The following ELMO1 variants were observed in gnomAD, a reference collection of about 807,000 sequenced individuals.
ELMO1 encodes the protein engulfment and cell motility 1.
ELMO1 carries 26 observed loss-of-function variants against 98.9 expected under a neutral mutation model. The ratio of observed to expected loss-of-function variants is 0.26; its 90% CI spans 0.19 to 0.36. The LOEUF is 0.36. Ranked by LOEUF, ELMO1 falls within the 10% of genes least tolerant of loss-of-function variation. ELMO1 has a pLI of 1.00. For missense variants in ELMO1, 627 were observed against 935.2 expected (o/e 0.67, Z 4.30); for synonymous variants, 346 against 346.0 (o/e 1.00, Z 0.00).
At chr7:37,032,081 C>T (rs546549458) in intron 15 of ELMO1, among the ~76,000 whole-genome samples, 2 of 152,214 alleles carry the variant, frequency 1.3e-5, no homozygotes, top group Middle Eastern at 3.4e-3. Context: ...TCCAGGCCTG[C>T]GTGAGTCATT....
At chr7:37,145,724 G>T (rs2129313507) in intron 13 of ELMO1, among the ~76,000 whole-genome samples, 1 of 152,326 alleles carries the variant, frequency 6.6e-6, no homozygotes, top group Non-Finnish European at 1.5e-5. Flanking sequence ...AGCCTTTGAG[G>T]ATTCAGGAGT....
intron 1 of ELMO1, among the ~76,000 whole-genome samples, chr7:37,438,586 T>A (rs1295908814): frequency 2.6e-5 from 3 of 117,420 alleles, no homozygotes; most frequent in African/African-American, 1.1e-4. Context: ...AGCAACAGAA[T>A]GAGACTCTGT....
At chr7:37,320,457 T>G (rs1799424108) in intron 2 of ELMO1, among the ~76,000 whole-genome samples, 1 of 152,282 alleles carries the variant, frequency 6.6e-6, no homozygotes, top group South Asian at 2.1e-4. Context: ...TCATGCCATT[T>G]GCTTTGTTGA....
At chr7:37,267,602 T>C (rs952204903) in intron 5 of ELMO1, among the ~76,000 whole-genome samples, 3 of 152,250 alleles carry the variant, frequency 2.0e-5, no homozygotes, top group Non-Finnish European at 4.4e-5. Context: ...AAATAGATTC[T>C]ACTTCAAATT....
At chr7:37,348,277 T>A (rs1801105013) in intron 1 of ELMO1, among the ~76,000 whole-genome samples, 1 of 152,130 alleles carries the variant, frequency 6.6e-6, no homozygotes. Context: ...ACAATAATTC[T>A]TATACAAACT....
chr7:37,291,837 C>T (rs1797693757), intron 4 of ELMO1, among the ~76,000 whole-genome samples: 1 of 152,060 alleles, frequency 6.6e-6, no homozygotes, highest in Admixed American at 6.5e-5. Context: ...ATAGCTTGAA[C>T]CCGGGAAGTG....
At chr7:37,259,710 A>G (rs1337490720) in intron 5 of ELMO1, among the ~76,000 whole-genome samples, 2 of 152,234 alleles carry the variant, frequency 1.3e-5, no homozygotes, top group Non-Finnish European at 2.9e-5. Context: ...TAAAATTATT[A>G]TGTAAAAGCA....
chr7:36,868,356 T>TTG (rs2129038578), intron 20 of ELMO1, among the ~76,000 whole-genome samples: 1 of 151,644 alleles, frequency 6.6e-6, no homozygotes, highest in African/African-American at 2.4e-5. Flanking sequence ...TTCTTTTTTT[T>TTG]TTTTTTGAGA....
At chr7:36,974,240 C>T (rs1790289153) in intron 16 of ELMO1, among the ~76,000 whole-genome samples, 1 of 152,232 alleles carries the variant, frequency 6.6e-6, no homozygotes, top group Non-Finnish European at 1.5e-5. Context: ...TTATGTCTAG[C>T]TCAGGGATGG....
Position 36,983,030 on chromosome 7 carries a change from A to C in ELMO1, c.1437+30269T>G, listed in dbSNP as rs139808992. On this transcript the variant is annotated intron_variant, in intron 16 of 21. Coordinates refer to ENST00000310758, the MANE Select transcript of ELMO1 (RefSeq NM_014800.11). Reference sequence around the variant, plus strand: ...TCCTACAGCCATTGCAGTTCATGGGAACCCCCAAACTGGCTGCCTGGTTGT... The same window carrying C: ...TCCTACAGCCATTGCAGTTCATGGGCACCCCCAAACTGGCTGCCTGGTTGT... Among the ~76,000 whole-genome samples the C allele has an allele frequency of 4.3e-3, 652 of 152,342 alleles. 12 individuals are homozygous for C. Among genetic ancestry groups the C allele is most frequent in the African/African-American group, 0.015 (622 of 41,588 alleles).
At chr7:37,297,974 T>C (rs1244291244) in intron 4 of ELMO1, among the ~76,000 whole-genome samples, 2 of 152,216 alleles carry the variant, frequency 1.3e-5, no homozygotes, top group Non-Finnish European at 2.9e-5. Flanking sequence ...TGCCATTGGT[T>C]TTCTCTAAGT....
intron 15 of ELMO1, among the ~76,000 whole-genome samples, chr7:37,055,085 G>A: frequency 6.6e-6 from 1 of 152,202 alleles, no homozygotes; most frequent in Non-Finnish European, 1.5e-5. Context: ...TCTCCCTTCA[G>A]CCATGTCAAA....
intron 16 of ELMO1, among the ~76,000 whole-genome samples, chr7:37,009,481 C>T (rs1793395090): frequency 6.6e-6 from 1 of 152,218 alleles, no homozygotes; most frequent in African/African-American, 2.4e-5. Context: ...TCCAAACACC[C>T]TCTTCCAGCA....
At chr7:37,124,562 A>G (rs1030819111) in intron 14 of ELMO1, among the ~76,000 whole-genome samples, 34 of 152,254 alleles carry the variant, frequency 2.2e-4, no homozygotes, top group African/African-American at 7.0e-4. Flanking sequence ...AAAATACCTA[A>G]GAATCCAACT....
At chr7:36,857,096 A>G (rs1802253667) in intron 21 of ELMO1, among the ~76,000 whole-genome samples, 1 of 152,190 alleles carries the variant, frequency 6.6e-6, no homozygotes, top group Non-Finnish European at 1.5e-5. Context: ...GAGATGCACA[A>G]TGGGTGTATT....
chr7:36,971,143 A>G (rs1013447637), intron 16 of ELMO1, among the ~76,000 whole-genome samples: 21 of 152,250 alleles, frequency 1.4e-4, no homozygotes, highest in Non-Finnish European at 2.8e-4. Context: ...AGTCTTCTTT[A>G]GCAAAGAACG....
At chr7:37,433,933 C>T (rs1415019056) in intron 1 of ELMO1, among the ~76,000 whole-genome samples, 2 of 152,088 alleles carry the variant, frequency 1.3e-5, no homozygotes, top group African/African-American at 4.8e-5. Flanking sequence ...TGCCTGTCCC[C>T]GAACCTCATC....
intron 14 of ELMO1, among the ~76,000 whole-genome samples, chr7:37,123,785 C>T (rs1786279341): frequency 6.6e-6 from 1 of 152,148 alleles, no homozygotes; most frequent in African/African-American, 2.4e-5. Context: ...TATCTCATTT[C>T]ATGAGGCCAG....
At chr7:36,963,466 G>A (rs150796961) in intron 16 of ELMO1, among the ~76,000 whole-genome samples, 3 of 152,128 alleles carry the variant, frequency 2.0e-5, no homozygotes, top group African/African-American at 7.2e-5. Flanking sequence ...GTGAGGAAAA[G>A]GGACCACAGA....
Sources: gnomAD v4.1 joint callset for allele counts (sites outside exome capture counted in the v4.1 genomes callset) on GRCh38, gnomAD v4.1.1 for gene constraint, MANE v1.5 for transcripts, NCBI Gene and HGNC (gene_info 2026-07-23, HGNC 2026-07-21) for gene names.